Variants in LOC128462377 observed in about 807,000 individuals in gnomAD.
chr16:89,373,811 G>A, the LOC128462377 span, among the ~76,000 whole-genome samples: 1 of 152,222 alleles, frequency 6.6e-6, no homozygotes, highest in Admixed American at 6.5e-5. Flanking sequence ...AGACGCCTGT[G>A]TAGGGTTACA....
At chr16:89,402,710 A>G in the LOC128462377 span, among the ~76,000 whole-genome samples, 1 of 84,318 alleles carries the variant, frequency 1.2e-5, no homozygotes, top group African/African-American at 4.7e-5. Flanking sequence ...CTGCGAGGTT[A>G]GGAGAGGGGG....
the LOC128462377 span, among the ~76,000 whole-genome samples, chr16:89,367,062 A>T: frequency 4.0e-5 from 6 of 151,590 alleles, no homozygotes; most frequent in Non-Finnish European, 8.8e-5. Flanking sequence ...TGCTAGGACG[A>T]CCTCTCCTCT....
At chr16:89,391,787 A>G in the LOC128462377 span, among the ~76,000 whole-genome samples, 1 of 152,222 alleles carries the variant, frequency 6.6e-6, no homozygotes, top group African/African-American at 2.4e-5. Flanking sequence ...CTAAAAATAA[A>G]TAGTAACTTC....
chr16:89,320,397 T>C, the LOC128462377 span: 1 of 152,184 alleles, frequency 6.6e-6, no homozygotes, highest in Admixed American at 6.5e-5. Context: ...TCACGACCCT[T>C]GAATCAGCAG....
chr16:89,339,484 G>A, the LOC128462377 span, among the ~76,000 whole-genome samples: 3 of 152,146 alleles, frequency 2.0e-5, no homozygotes, highest in Admixed American at 6.5e-5. Context: ...TGCACGCAGC[G>A]CATGTGAAGA....
chr16:89,319,690 A>T, the LOC128462377 span, among the ~76,000 whole-genome samples: 1 of 152,248 alleles, frequency 6.6e-6, no homozygotes, highest in East Asian at 1.9e-4. Context: ...GTCCTGCTGA[A>T]GCATCTGCTG....
At chr16:89,351,797 A>G in the LOC128462377 span, among the ~76,000 whole-genome samples, 2 of 152,262 alleles carry the variant, frequency 1.3e-5, no homozygotes, top group African/African-American at 4.8e-5. Flanking sequence ...GGTGACAGCA[A>G]TGTTCTAGAA....
At chr16:89,369,999 T>A in the LOC128462377 span, among the ~76,000 whole-genome samples, 1 of 152,194 alleles carries the variant, frequency 6.6e-6, no homozygotes, top group Non-Finnish European at 1.5e-5. Context: ...GCTGGGGGCC[T>A]GGCCCCTTCA....
the LOC128462377 span, among the ~76,000 whole-genome samples, chr16:89,407,455 G>T: frequency 6.6e-6 from 1 of 152,082 alleles, no homozygotes; most frequent in South Asian, 2.1e-4. Context: ...CAGGGCCCCT[G>T]CCCCAAGCCA....
At chr16:89,395,303 C>T in the LOC128462377 span, among the ~76,000 whole-genome samples, 1 of 152,244 alleles carries the variant, frequency 6.6e-6, no homozygotes, top group Non-Finnish European at 1.5e-5. Context: ...CTCTTTCCAG[C>T]TCCGTAATCC....
chr16:89,415,829 C>CAAAAAAAAAAAAATAAAAA, the LOC128462377 span, among the ~76,000 whole-genome samples: 1 of 39,744 alleles, frequency 2.5e-5, no homozygotes, highest in Admixed American at 3.4e-4. Context: ...GACTCTGTCT[C>CAAAAAAAAAAAAATAAAAA]AAAAAAAAAA....
At chr16:89,330,941 A>T in the LOC128462377 span, among the ~76,000 whole-genome samples, 1 of 152,226 alleles carries the variant, frequency 6.6e-6, no homozygotes, top group Non-Finnish European at 1.5e-5. Context: ...ATTTTGAAAA[A>T]TATTATAAGC....
the LOC128462377 span, among the ~76,000 whole-genome samples, chr16:89,384,130 A>T: frequency 2.0e-5 from 3 of 152,258 alleles, no homozygotes; most frequent in South Asian, 6.2e-4. Flanking sequence ...CGAGGCAGGG[A>T]GAGTTGCTTG....
the LOC128462377 span, among the ~76,000 whole-genome samples, chr16:89,414,826 T>C: frequency 1.3e-5 from 2 of 152,190 alleles, no homozygotes; most frequent in Non-Finnish European, 2.9e-5. Context: ...CAGCACCGTG[T>C]ACTGAAGAAG....
chr16:89,406,315 C>A, the LOC128462377 span, among the ~76,000 whole-genome samples: 2 of 152,152 alleles, frequency 1.3e-5, no homozygotes, highest in African/African-American at 2.4e-5. Context: ...GAAGCACAGA[C>A]CCTCACTGCC....
At chr16:89,408,232 G>A in the LOC128462377 span, among the ~76,000 whole-genome samples, 829 of 152,352 alleles carry the variant, frequency 5.4e-3, 5 homozygotes, top group Non-Finnish European at 9.0e-3. Flanking sequence ...TCACACCAGC[G>A]CTGTTCCCTC....
the LOC128462377 span, among the ~76,000 whole-genome samples, chr16:89,393,242 A>G: frequency 1.3e-5 from 2 of 151,688 alleles, no homozygotes; most frequent in Admixed American, 6.6e-5. Flanking sequence ...CATGGCTCCC[A>G]CCCTGGGACC....
At chr16:89,397,287 C>G in the LOC128462377 span, among the ~76,000 whole-genome samples, 4 of 152,356 alleles carry the variant, frequency 2.6e-5, no homozygotes, top group South Asian at 8.3e-4. Context: ...CAGCCAAGAA[C>G]CCCCTCAGGG....
At chr16:89,379,014 C>T in the LOC128462377 span, among the ~76,000 whole-genome samples, 4 of 152,328 alleles carry the variant, frequency 2.6e-5, no homozygotes, top group South Asian at 4.1e-4. Flanking sequence ...CTCCTGCAGT[C>T]GTAGACAAGC....
Sources: allele counts gnomAD v4.1 joint callset (sites outside exome capture counted in the v4.1 genomes callset), GRCh38; gene constraint gnomAD v4.1.1; transcripts MANE v1.5.